The following EPM2A variants were observed in gnomAD, a reference collection of about 807,000 sequenced individuals.
EPM2A encodes EPM2A glucan phosphatase, laforin.
In EPM2A, 21 loss-of-function variants were observed where a neutral mutation model predicts 26.5. That is an observed-to-expected ratio of 0.79 (90% CI 0.56 to 1.14). The LOEUF is 1.14. Ranked by LOEUF, EPM2A falls within the 50% of genes most tolerant of loss-of-function variation. The pLI, the probability that EPM2A is intolerant of heterozygous loss-of-function variation, is 0.00. For synonymous variants in EPM2A, 217 were observed against 177.6 expected (o/e 1.22, Z -1.76); for missense variants, 458 against 440.8 (o/e 1.04, Z -0.35).
At chr6:145,470,740 C>G (rs2114724935) in intron 4 of EPM2A, among the ~76,000 whole-genome samples, 1 of 152,226 alleles carries the variant, frequency 6.6e-6, no homozygotes, top group African/African-American at 2.4e-5. Context: ...ACTTTATGCA[C>G]AAAAGGAAGT....
intron 4 of EPM2A, among the ~76,000 whole-genome samples, chr6:145,430,398 G>A (rs572244131): frequency 2.6e-5 from 4 of 151,922 alleles, no homozygotes; most frequent in East Asian, 1.9e-4. Flanking sequence ...TCAGGAATTC[G>A]AGACCAGCCT....
At chr6:145,671,051 T>A (rs921436816) in intron 2 of EPM2A, 2 of 985,230 alleles carry the variant, frequency 2.0e-6, no homozygotes, top group African/African-American at 3.5e-5. Context: ...TTAGTGTCTA[T>A]CTTTGCCCAG....
At chr6:145,676,710 C>T (rs982028094) in intron 2 of EPM2A, among the ~76,000 whole-genome samples, 2 of 151,944 alleles carry the variant, frequency 1.3e-5, no homozygotes, top group Non-Finnish European at 2.9e-5. Flanking sequence ...ACACATACAC[C>T]CTCCCAAGAT....
chr6:145,420,574 G>T (rs558461451), intron 4 of EPM2A, among the ~76,000 whole-genome samples: 14 of 152,192 alleles, frequency 9.2e-5, no homozygotes, highest in African/African-American at 2.9e-4. Flanking sequence ...TGCCCTGACC[G>T]TGAACATCCA....
intron 2 of EPM2A, among the ~76,000 whole-genome samples, chr6:145,524,645 T>A (rs774063836): frequency 6.6e-6 from 1 of 152,142 alleles, no homozygotes; most frequent in Non-Finnish European, 1.5e-5. Flanking sequence ...GCTTGTTAAG[T>A]TCCTTATAGA....
intron 2 of EPM2A, among the ~76,000 whole-genome samples, chr6:145,527,830 T>C (rs765159854): frequency 6.6e-6 from 1 of 152,238 alleles, no homozygotes; most frequent in African/African-American, 2.4e-5. Context: ...GAAAGGCATG[T>C]CATAAGCTGA....
At chr6:145,582,453 C>G (rs187611838) in intron 2 of EPM2A, among the ~76,000 whole-genome samples, 6 of 152,274 alleles carry the variant, frequency 3.9e-5, no homozygotes, top group Admixed American at 3.3e-4. Context: ...TCTGTCAGGT[C>G]CATTTGGTCC....
intron 2 of EPM2A, among the ~76,000 whole-genome samples, chr6:145,553,359 G>T (rs1454237869): frequency 1.3e-5 from 2 of 152,090 alleles, no homozygotes; most frequent in Non-Finnish European, 2.9e-5. Context: ...ATTCATTCTG[G>T]ATATCCTTTC....
chr6:145,478,841 C>A (rs934816331), intron 4 of EPM2A, among the ~76,000 whole-genome samples: 4 of 151,398 alleles, frequency 2.6e-5, no homozygotes, highest in Admixed American at 2.6e-4. Flanking sequence ...GCATAAATAC[C>A]AGATAATGTA....
chr6:145,654,497 A>G (rs1778118624), intron 2 of EPM2A, among the ~76,000 whole-genome samples: 1 of 152,212 alleles, frequency 6.6e-6, no homozygotes, highest in Non-Finnish European at 1.5e-5. Context: ...TGTGTTATGG[A>G]AAATTTTCTC....
intron 4 of EPM2A, among the ~76,000 whole-genome samples, chr6:145,470,334 A>G (rs1016220078): frequency 7.9e-5 from 12 of 152,212 alleles, no homozygotes; most frequent in African/African-American, 2.9e-4. Flanking sequence ...TTAAAAATTA[A>G]AATTTCTTTA....
rs921450966 is a variant in EPM2A at position 145,626,429 on chromosome 6, C to T, written c.*987G>A. The T allele has an allele frequency of 3.0e-6, 3 of 985,804 alleles. No individual in the cohort carries two copies. The African/African-American group carries it at 5.2e-5, about 17-fold the overall frequency. 61.1% of individuals were successfully genotyped at this position (985,804 alleles called of 1,614,324 possible). The stretch of plus-strand genomic sequence containing the variant: ...ATGAATTTCCACTCTGGTCTTAAAA[C>T]AGCCCATCATGTTTTTAAATTAGCT... On this transcript the variant is annotated 3_prime_UTR_variant, in exon 4 of 4. Coordinates refer to ENST00000367519, the MANE Select transcript of EPM2A (RefSeq NM_005670.4).
At chr6:145,566,895 A>G (rs1468790231) in intron 2 of EPM2A, among the ~76,000 whole-genome samples, 1 of 152,216 alleles carries the variant, frequency 6.6e-6, no homozygotes, top group Non-Finnish European at 1.5e-5. Flanking sequence ...CCTGTGTCAA[A>G]TTCATTCTCG....
chr6:145,686,644 C>T (rs557047478), intron 1 of EPM2A, among the ~76,000 whole-genome samples: 1 of 152,038 alleles, frequency 6.6e-6, no homozygotes, highest in South Asian at 2.1e-4. Context: ...GCTATTAATG[C>T]CCCTGTATTA....
At chr6:145,400,714 C>T (rs1196354566) in intron 4 of EPM2A, among the ~76,000 whole-genome samples, 1 of 152,218 alleles carries the variant, frequency 6.6e-6, no homozygotes, top group African/African-American at 2.4e-5. Context: ...GCTTACTATG[C>T]ATGTACATGA....
At chr6:145,662,861 C>G (rs987809796) in intron 2 of EPM2A, among the ~76,000 whole-genome samples, 4 of 152,080 alleles carry the variant, frequency 2.6e-5, no homozygotes, top group Admixed American at 2.0e-4. Context: ...GGCCCTTTTA[C>G]AGGTGGTCTA....
At chr6:145,528,592 T>C in intron 2 of EPM2A, among the ~76,000 whole-genome samples, 1 of 152,144 alleles carries the variant, frequency 6.6e-6, no homozygotes, top group East Asian at 1.9e-4. Context: ...GGAGACCTAC[T>C]GCTCAAGAAA....
At chr6:145,622,920 G>A (rs981491421), downstream of EPM2A, among the ~76,000 whole-genome samples, 1 of 152,190 alleles carries the variant, frequency 6.6e-6, no homozygotes, top group Non-Finnish European at 1.5e-5. Flanking sequence ...CACCAAATCA[G>A]AAGTAAAACT....
At chr6:145,593,238 C>G (rs747375723) in intron 2 of EPM2A, among the ~76,000 whole-genome samples, 2 of 152,098 alleles carry the variant, frequency 1.3e-5, no homozygotes, top group Non-Finnish European at 2.9e-5. Context: ...AAGGCCTATT[C>G]TCCAAGAAGA....
Sources: gnomAD v4.1 joint callset for allele counts (sites outside exome capture counted in the v4.1 genomes callset) on GRCh38, gnomAD v4.1.1 for gene constraint, MANE v1.5 for transcripts, NCBI Gene and HGNC (gene_info 2026-07-23, HGNC 2026-07-21) for gene names.